GOLGB1: variants seen among roughly 807,000 people sequenced by gnomAD.
GOLGB1 encodes the protein golgin B1, also known as golgin subfamily B member 1.
Under a neutral mutation model 336.9 loss-of-function variants are expected in GOLGB1, and 174 were observed. The ratio of observed to expected loss-of-function variants is 0.52; its 90% CI spans 0.46 to 0.59. The LOEUF is 0.59. Among genes scored for constraint, GOLGB1 ranks in the 20% least tolerant of loss-of-function variants. The pLI is 0.00. For missense variants in GOLGB1, 3,331 were observed against 3,645.3 expected, an observed-to-expected ratio of 0.91 and a Z score of 2.22; for synonymous variants, 1,208 against 1,289.2, an observed-to-expected ratio of 0.94 and a Z score of 1.35.
At chr3:121,743,473 G>A (rs556177268) in intron 1 of GOLGB1, among the ~76,000 whole-genome samples, 3 of 152,296 alleles carry the variant, frequency 2.0e-5, no homozygotes, top group African/African-American at 4.8e-5. Flanking sequence ...GGAGGTTGGG[G>A]GCTGGGGAAG....
intron 11 of GOLGB1, among the ~76,000 whole-genome samples, chr3:121,700,231 T>C (rs1046876174): frequency 1.3e-5 from 2 of 152,132 alleles, no homozygotes; most frequent in Non-Finnish European, 2.9e-5. Context: ...AATCCTACTA[T>C]GTTTGTAATA....
Position 121,696,127 on chromosome 3 carries a change from G to T in GOLGB1, c.4396C>A (p.Leu1466Ile). The T allele has an allele frequency of 1.2e-6, 2 of 1,614,026 alleles. No individual in the cohort carries two copies. Among genetic ancestry groups the T allele is most frequent in the Non-Finnish European group, 1.7e-6 (2 of 1,179,992 alleles). ...DERIKQLQVE[L>I]CEMKQKPEEI... ...TCTGGTTTTTGCTTCATTTCACAAAGTTCCACCTGTAGCTGCTTTATCCTC... is the reference window on the plus strand; with the variant it reads ...TCTGGTTTTTGCTTCATTTCACAAATTTCCACCTGTAGCTGCTTTATCCTC... The change falls in exon 13 of 22, where the codon CTT becomes ATT. Residue 1466 changes from leucine (L) to isoleucine (I), a missense_variant. Physicochemically the swap from Leu to Ile is conservative, Grantham distance 5. Coordinates refer to ENST00000614479, the MANE Select transcript of GOLGB1 (RefSeq NM_001366282.2).
Position 121,691,514 on chromosome 3 carries a change from G to C in GOLGB1, c.7850C>G (p.Ser2617Cys), listed in dbSNP as rs1429165107. 6.2e-7 allele frequency: 1 copy of C among 1,612,192 alleles called. No homozygotes were observed. Among genetic ancestry groups the C allele is most frequent in the Non-Finnish European group, 8.5e-7 (1 of 1,179,310 alleles). Residue 2617 changes from serine to cysteine, a missense_variant, in exon 14 of 22, where the codon TCC (serine) becomes TGC (cysteine). Transcript: ENST00000614479. ...KEIESLKVSI[S>C]QLTRQVTALQ... Reference sequence around the variant, plus strand: ...GGCTGTTACTTGTCTTGTTAGCTGGGATATAGATACTTTCAAACTCTCAAT... The same window carrying C: ...GGCTGTTACTTGTCTTGTTAGCTGGCATATAGATACTTTCAAACTCTCAAT...
Position 121,669,197 on chromosome 3 carries a change from C to G in GOLGB1, c.9321+15G>C, listed in dbSNP as rs1939136026. 3 of 1,612,574 alleles carry G rather than the reference C, an allele frequency of 1.9e-6. No homozygotes were observed. The highest frequency in any genetic ancestry group is 4.5e-5 in the East Asian group (2 of 44,888). ...CATCACACTTCTCCCAGTCTCTCAC[C>G]TTCTCTTTACTCACCGCCTGCAGCT... On this transcript the variant is annotated intron_variant, in intron 18 of 21. Coordinates refer to ENST00000614479, the MANE Select transcript of GOLGB1 (RefSeq NM_001366282.2).
chr3:121,673,208 A>C (rs1362880656), intron 17 of GOLGB1, among the ~76,000 whole-genome samples: 5 of 151,896 alleles, frequency 3.3e-5, no homozygotes, highest in Non-Finnish European at 5.9e-5. Flanking sequence ...AGCTGGGATT[A>C]CAGGCCCCCG....
intron 1 of GOLGB1, among the ~76,000 whole-genome samples, chr3:121,734,392 G>GAAAAAAAAAAAAAAAAAAAAAAA (rs34906801): frequency 1.9e-5 from 2 of 107,230 alleles, no homozygotes; most frequent in African/African-American, 3.8e-5. Flanking sequence ...TCTGTCTCGG[G>GAAAAAAAAAAAAAAAAAAAAAAA]AAAAAAAAAA....
chr3:121,698,913 A>G lies in GOLGB1; in HGVS notation c.1610T>C (p.Ile537Thr), dbSNP rs1478523739. 1.3e-6 allele frequency: 2 copies of G among 1,572,092 alleles called. No homozygotes were observed. Among genetic ancestry groups the G allele is most frequent in the Non-Finnish European group, 1.7e-6 (2 of 1,161,506 alleles). Residue 537 changes from isoleucine to threonine, a missense_variant, in exon 13 of 22, where the codon ATT becomes ACT. Ile to Thr is a moderately conservative substitution (Grantham distance 89). Transcript: ENST00000614479. ...REVSEISIVDIANKRSSSAEE... is the reference protein window; with the variant it reads ...REVSEISIVDTANKRSSSAEE... ...AGCAGAAGAGCTCCTCTTGTTGGCA[A>G]TATCAACAATGCTGATCTATTTTTA...
At chr3:121,744,518 CT>C (rs1359075779) in intron 1 of GOLGB1, among the ~76,000 whole-genome samples, 40 of 149,268 alleles carry the variant, frequency 2.7e-4, no homozygotes, top group African/African-American at 9.9e-4. Context: ...ATTCGGGAGG[CT>C]GAGGCAGGAG....
intron 8 of GOLGB1, 100 bp from the exon 9 acceptor site, chr3:121,717,239 CAT>C: frequency 2.2e-6 from 2 of 900,576 alleles, no homozygotes; most frequent in East Asian, 2.6e-5. Flanking sequence ...AAAATGGGAA[CAT>C]GTTTCTATGC....
In GOLGB1 at chr3:121,693,875, C is replaced by T; in HGVS notation, c.6648G>A (p.Trp2216Ter). The change falls in exon 13 of 22, where the codon TGG becomes TGA. Residue 2216 changes from tryptophan to a stop codon, truncating the protein, a stop_gained. Coordinates refer to ENST00000614479, the MANE Select transcript of GOLGB1 (RefSeq NM_001366282.2). LOFTEE classifies it high-confidence loss of function. The part of the protein sequence containing the change: ...RDRVIDEAKK[W>*]ERKFSDAIQS... ...GAATCGCATCACTAAACTTCCTCTCCCATTTCTTAGCTTCATCTATCACCC... is the reference window on the plus strand; with the variant it reads ...GAATCGCATCACTAAACTTCCTCTCTCATTTCTTAGCTTCATCTATCACCC... The T allele has an allele frequency of 1.2e-6, 2 of 1,614,048 alleles. No individual in the cohort carries two copies. The highest frequency in any genetic ancestry group is 1.7e-6 in the Non-Finnish European group (2 of 1,179,898).
chr3:121,668,368 T>C (rs1178820521), intron 18 of GOLGB1: 3 of 396,904 alleles, frequency 7.6e-6, no homozygotes, highest in African/African-American at 4.2e-5. Context: ...CATTCTTGAA[T>C]TTCTCCTCTT....
Position 121,697,885 on chromosome 3 carries a change from T to G in GOLGB1, c.2638A>C (p.Ile880Leu), listed in dbSNP as rs1233798391. The G allele has an allele frequency of 1.9e-6, 3 of 1,614,026 alleles. No individual in the cohort carries two copies. The African/African-American group carries it at 4.0e-5, about 22-fold the overall frequency. The change falls in exon 13 of 22, where the codon ATA becomes CTA. Residue 880 changes from isoleucine (I) to leucine (L), a missense_variant. Ile to Leu is a conservative substitution (Grantham distance 5, BLOSUM62 2). Transcript: ENST00000614479. ...AGTAAGAGCTGATCCATTTTTGTTATTTCAAGTTCCTTCTGTGAAAGAGCC... is the reference window on the plus strand; with the variant it reads ...AGTAAGAGCTGATCCATTTTTGTTAGTTCAAGTTCCTTCTGTGAAAGAGCC... ...SQALSQKELE[I>L]TKMDQLLLEK...
chr3:121,742,661 T>A (rs1946958376), intron 1 of GOLGB1, among the ~76,000 whole-genome samples: 1 of 152,102 alleles, frequency 6.6e-6, no homozygotes, highest in Non-Finnish European at 1.5e-5. Context: ...CAAAAGAAAC[T>A]ACCATCAGAG....
chr3:121,704,905 T>A (rs1326006467), intron 10 of GOLGB1, among the ~76,000 whole-genome samples: 4 of 149,584 alleles, frequency 2.7e-5, no homozygotes, highest in Non-Finnish European at 5.9e-5. Flanking sequence ...ACTAAGAAAA[T>A]TTTTTCACAG....
intron 19 of GOLGB1, 34 bp downstream of exon 19, chr3:121,668,027 G>A: frequency 1.8e-6 from 2 of 1,141,994 alleles, no homozygotes; most frequent in Non-Finnish European, 2.6e-6. Flanking sequence ...GGACTCTGGT[G>A]TATGCTCCAG....
Position 121,690,750 on chromosome 3 carries a change from C to T in GOLGB1, c.8614G>A (p.Ala2872Thr). The T allele has an allele frequency of 6.4e-7, 1 of 1,569,784 alleles. No homozygotes were observed. The highest frequency in any genetic ancestry group is 8.6e-7 in the Non-Finnish European group (1 of 1,161,988). ...TCAGCTGGGCTGGTGGAAGGCTGAG[C>T]TGCAGACCTCTGCTTCCCTTCCTCT... The part of the protein sequence containing the change: ...KSEEGKQRSA[A>T]QPSTSPAEVQ... Residue 2872 changes from alanine (A) to threonine (T), a missense_variant, in exon 14 of 22, where the codon GCT becomes ACT. Coordinates refer to ENST00000614479, the MANE Select transcript of GOLGB1 (RefSeq NM_001366282.2).
In GOLGB1 at chr3:121,664,509, G is replaced by C. The variant is rs754213807; in HGVS notation, c.9766C>G (p.Leu3256Val). The change falls in exon 22 of 22, where the codon CTC (leucine) becomes GTC (valine). Residue 3256 changes from leucine (L) to valine (V), a missense_variant. Transcript: ENST00000614479. ...AGATGGCCCGTAAAACACAGAATGA[G>C]CAGGACATGAATCATTAGAAAGTAG... Reference protein sequence around the residue: ...AIYFLMIHVLLILCFTGHL With the variant: ...AIYFLMIHVLVILCFTGHL 6.2e-7 allele frequency: 1 copy of C among 1,613,736 alleles called. No individual in the cohort carries two copies. Among genetic ancestry groups the C allele is most frequent in the African/African-American group, 1.3e-5 (1 of 75,030 alleles).
At chr3:121,725,719 G>C (rs1049089473) in intron 5 of GOLGB1, among the ~76,000 whole-genome samples, 1 of 152,114 alleles carries the variant, frequency 6.6e-6, no homozygotes, top group Non-Finnish European at 1.5e-5. Flanking sequence ...TTTAAGAAAG[G>C]ACTGGTTCAG....
intron 1 of GOLGB1, among the ~76,000 whole-genome samples, chr3:121,735,283 C>T (rs1946400610): frequency 6.6e-6 from 1 of 152,116 alleles, no homozygotes; most frequent in Non-Finnish European, 1.5e-5. Context: ...TAATTGTATA[C>T]AATTTTTTTA....
Sources: gnomAD v4.1 joint callset for allele counts (sites outside exome capture counted in the v4.1 genomes callset) on GRCh38, gnomAD v4.1.1 for gene constraint, MANE v1.5 for transcripts, NCBI Gene and HGNC (gene_info 2026-07-23, HGNC 2026-07-21) for gene names.